The following TTC28 variants were observed in gnomAD, a reference collection of about 807,000 sequenced individuals.
TTC28 encodes the protein tetratricopeptide repeat protein 28.
In TTC28, 61 loss-of-function variants were observed where a neutral mutation model predicts 198.0. The observed-to-expected ratio is 0.31, with a 90% confidence interval of 0.25 to 0.38. The LOEUF (loss-of-function observed/expected upper bound fraction) is 0.38. TTC28 is among the 10% of genes least tolerant of loss of function. The pLI is 1.00. For missense variants in TTC28, 2,678 were observed against 3,164.0 expected (o/e 0.85, Z 3.69); for synonymous variants, 1,171 against 1,297.8 (o/e 0.90, Z 2.10).
chr22:28,356,255 G>C (rs995182098), intron 2 of TTC28, among the ~76,000 whole-genome samples: 5 of 152,022 alleles, frequency 3.3e-5, no homozygotes, highest in Admixed American at 3.3e-4. Flanking sequence ...TGTGTCAATT[G>C]CTGTCTACAC....
intron 2 of TTC28, among the ~76,000 whole-genome samples, chr22:28,456,860 C>T (rs2047868669): frequency 6.6e-6 from 1 of 152,222 alleles, no homozygotes; most frequent in Non-Finnish European, 1.5e-5. Flanking sequence ...AGGCATGTGC[C>T]ACCGCACCCG....
At chr22:28,472,130 GA>G (rs1863015612) in intron 2 of TTC28, among the ~76,000 whole-genome samples, 1 of 152,070 alleles carries the variant, frequency 6.6e-6, no homozygotes, top group South Asian at 2.1e-4. Context: ...AAACACAAAA[GA>G]GCATCTATTT....
intron 20 of TTC28, among the ~76,000 whole-genome samples, chr22:27,990,464 A>G (rs1222368642): frequency 6.6e-6 from 1 of 152,164 alleles, no homozygotes; most frequent in African/African-American, 2.4e-5. Flanking sequence ...TTCAGATTTC[A>G]GGGTCTGTGG....
chr22:28,172,166 G>A (rs1396835197), intron 5 of TTC28, among the ~76,000 whole-genome samples: 3 of 152,010 alleles, frequency 2.0e-5, no homozygotes, highest in Admixed American at 6.6e-5. Flanking sequence ...TGACTATGGA[G>A]CTAGTGTAGC....
chr22:28,099,696 C>G (rs755631010), intron 9 of TTC28, among the ~76,000 whole-genome samples: 7 of 152,178 alleles, frequency 4.6e-5, no homozygotes, highest in Non-Finnish European at 1.0e-4. Flanking sequence ...AGATATTAAT[C>G]CACCAAGTGC....
At chr22:28,584,026 T>G (rs5762700) in intron 2 of TTC28, among the ~76,000 whole-genome samples, 21,540 of 146,888 alleles carry the variant, frequency 0.15, 1,617 homozygotes, top group Middle Eastern at 0.23. Flanking sequence ...GTTTTTTTTT[T>G]TTTTTTTGGC....
chr22:28,601,336 G>T (rs544784877), intron 2 of TTC28, among the ~76,000 whole-genome samples: 1 of 152,096 alleles, frequency 6.6e-6, no homozygotes, highest in African/African-American at 2.4e-5. Flanking sequence ...CACCTGAGAA[G>T]ATTACATACA....
intron 13 of TTC28, among the ~76,000 whole-genome samples, chr22:28,021,735 C>T (rs764957662): frequency 6.6e-6 from 1 of 152,144 alleles, no homozygotes; most frequent in Non-Finnish European, 1.5e-5. Context: ...CCCTGTGTCC[C>T]GCCCTCCTGC....
chr22:28,366,463 G>A (rs1023915153), intron 2 of TTC28, among the ~76,000 whole-genome samples: 2 of 151,890 alleles, frequency 1.3e-5, no homozygotes, highest in African/African-American at 2.4e-5. Context: ...GATCATAGCG[G>A]TTAGGAAAAA....
chr22:28,260,039 G>A (rs1380149790), intron 5 of TTC28, among the ~76,000 whole-genome samples: 1 of 152,130 alleles, frequency 6.6e-6, no homozygotes, highest in African/African-American at 2.4e-5. Flanking sequence ...ATTTTCAGTT[G>A]ATGCTGTGCT....
At chr22:28,171,528 T>C (rs916802896) in intron 5 of TTC28, among the ~76,000 whole-genome samples, 2 of 152,052 alleles carry the variant, frequency 1.3e-5, no homozygotes, top group African/African-American at 4.8e-5. Context: ...TATGAGTGAT[T>C]TTCTACCCTA....
chr22:27,994,986 G>A (rs1253566617), intron 17 of TTC28, among the ~76,000 whole-genome samples: 1 of 152,158 alleles, frequency 6.6e-6, no homozygotes, highest in East Asian at 1.9e-4. Flanking sequence ...CTGGGGGCAC[G>A]CTGGGGGCTT....
chr22:28,487,746 T>C (rs2048329778), intron 2 of TTC28, among the ~76,000 whole-genome samples: 1 of 152,188 alleles, frequency 6.6e-6, no homozygotes, highest in Non-Finnish European at 1.5e-5. Flanking sequence ...AATGAGATAC[T>C]AATAATACGT....
intron 2 of TTC28, among the ~76,000 whole-genome samples, chr22:28,603,940 G>C (rs540838260): frequency 1.8e-3 from 276 of 152,132 alleles, no homozygotes; most frequent in Middle Eastern, 3.4e-3. Context: ...TTTTATTTAA[G>C]TGTATTGGTC....
At chr22:28,083,533 G>A (rs1452179716) in intron 12 of TTC28, among the ~76,000 whole-genome samples, 7 of 152,204 alleles carry the variant, frequency 4.6e-5, no homozygotes, top group Non-Finnish European at 7.3e-5. Flanking sequence ...TTCAGCAGTG[G>A]AGCCAAGATG....
intron 5 of TTC28, among the ~76,000 whole-genome samples, chr22:28,281,183 T>C (rs1358000621): frequency 6.6e-6 from 1 of 152,178 alleles, no homozygotes; most frequent in Admixed American, 6.5e-5. Flanking sequence ...ACACTCTCTT[T>C]TGCATCATTA....
At chr22:28,421,639 T>G (rs1239979698) in intron 2 of TTC28, among the ~76,000 whole-genome samples, 1 of 152,188 alleles carries the variant, frequency 6.6e-6, no homozygotes, top group African/African-American at 2.4e-5. Flanking sequence ...TGTCAATAAC[T>G]GCTGCTTCGG....
At chr22:28,052,575 T>C (rs112409594) in intron 12 of TTC28, among the ~76,000 whole-genome samples, 3 of 152,276 alleles carry the variant, frequency 2.0e-5, no homozygotes, top group African/African-American at 7.2e-5. Flanking sequence ...ATGCCAAGGA[T>C]ACTAAAGGAA....
At chr22:28,280,911 T>G (rs2044571609) in intron 5 of TTC28, among the ~76,000 whole-genome samples, 1 of 152,118 alleles carries the variant, frequency 6.6e-6, no homozygotes, top group African/African-American at 2.4e-5. Context: ...CGCTGAAGAT[T>G]TTCTCCCACT....
Sources: allele counts gnomAD v4.1 joint callset (sites outside exome capture counted in the v4.1 genomes callset), GRCh38; gene constraint gnomAD v4.1.1; transcripts MANE v1.5; gene names NCBI Gene and HGNC (gene_info 2026-07-23, HGNC 2026-07-21).